Variants in LEF1 observed in about 807,000 individuals in gnomAD.
LEF1 encodes lymphoid enhancer binding factor 1.
In LEF1, 14 loss-of-function variants were observed where a neutral mutation model predicts 51.2. The ratio of observed to expected loss-of-function variants is 0.27; its 90% CI spans 0.18 to 0.43. LEF1 has a LOEUF of 0.43. Among genes scored for constraint, LEF1 ranks in the 20% least tolerant of loss-of-function variants. The pLI is 1.00. For synonymous variants in LEF1, 185 were observed against 183.2 expected, an observed-to-expected ratio of 1.01 and a Z score of -0.08; for missense variants, 386 against 512.0, an observed-to-expected ratio of 0.75 and a Z score of 2.37.
At position 108,048,491 on chromosome 4, in the gene LEF1, C is replaced by T. The variant is rs1156389344; in HGVS notation, c.*267G>A. 9.5e-6 allele frequency: 4 copies of T among 422,718 alleles called. No homozygotes were observed. Among genetic ancestry groups the T allele is most frequent in the Non-Finnish European group, 1.7e-5 (4 of 237,988 alleles). The allele number at this position is 422,718 out of a possible 1,614,324, so 26.2% of individuals were successfully genotyped here. On this transcript the variant is annotated 3_prime_UTR_variant, in exon 12 of 12. Coordinates refer to ENST00000265165, the MANE Select transcript of LEF1 (RefSeq NM_016269.5). ...CTGCTAGCATTCTCATGTGCTTTTA[C>T]ATTTCCTTTTAAAAAACCTTTTTAT...
intron 6 of LEF1, among the ~76,000 whole-genome samples, chr4:108,080,272 C>T (rs1240837721): frequency 6.6e-6 from 1 of 152,110 alleles, no homozygotes; most frequent in Non-Finnish European, 1.5e-5. Flanking sequence ...TTAAAATATC[C>T]ACCACCAGCC....
intron 3 of LEF1, among the ~76,000 whole-genome samples, chr4:108,161,810 G>A (rs1007549552): frequency 6.6e-6 from 1 of 152,056 alleles, no homozygotes; most frequent in African/African-American, 2.4e-5. Context: ...AAAAACGTAA[G>A]GCTGTTTTGT....
intron 3 of LEF1, among the ~76,000 whole-genome samples, chr4:108,148,533 G>A (rs993134077): frequency 6.6e-6 from 1 of 152,172 alleles, no homozygotes; most frequent in Non-Finnish European, 1.5e-5. Flanking sequence ...TGTCATGCCT[G>A]CCTCACTCTG....
intron 1 of LEF1, among the ~76,000 whole-genome samples, chr4:108,165,556 A>G (rs1745333935): frequency 6.6e-6 from 1 of 152,190 alleles, no homozygotes. Flanking sequence ...GTTCACTTCA[A>G]TCAGATCTGA....
intron 8 of LEF1, chr4:108,071,744 C>A (rs1738485817): frequency 6.6e-6 from 1 of 152,198 alleles, no homozygotes; most frequent in African/African-American, 2.4e-5. Context: ...GGAGAACCAT[C>A]TGGGATTTGG....
At position 108,070,780 on chromosome 4, in the gene LEF1, A is replaced by G; in HGVS notation, c.1009-10T>C. 6.3e-7 allele frequency: 1 copy of G among 1,579,874 alleles called. No individual in the cohort carries two copies. On this transcript the variant is annotated splice_polypyrimidine_tract_variant and intron_variant, in intron 8 of 11. Transcript: ENST00000265165. ...GGGAGAGGGCATGCCACTAAAACAG[A>G]GAGGAAGGAAGAAAAAAACAAAAGT... is the stretch of plus-strand genomic sequence containing the variant.
At chr4:108,106,957 A>G (rs1741209509) in intron 3 of LEF1, among the ~76,000 whole-genome samples, 1 of 152,218 alleles carries the variant, frequency 6.6e-6, no homozygotes, top group Admixed American at 6.5e-5. Flanking sequence ...GAAGAATGAG[A>G]AAAAATCAGA....
intron 3 of LEF1, chr4:108,104,823 T>G: frequency 1.9e-5 from 5 of 261,108 alleles, no homozygotes; most frequent in South Asian, 1.4e-4. Flanking sequence ...TCTGACTCTC[T>G]GGGGGCATGC....
At chr4:108,067,287 A>G (rs1475407223) in intron 9 of LEF1, among the ~76,000 whole-genome samples, 1 of 152,186 alleles carries the variant, frequency 6.6e-6, no homozygotes, top group Non-Finnish European at 1.5e-5. Context: ...CTTCCCACCC[A>G]TCAACATGGA....
intron 11 of LEF1, among the ~76,000 whole-genome samples, chr4:108,062,567 T>C (rs1336897607): frequency 1.3e-5 from 2 of 152,152 alleles, no homozygotes; most frequent in Admixed American, 6.5e-5. Context: ...GTGCTTTATC[T>C]TTTAGCCAAC....
chr4:108,109,788 T>C (rs1185548158), intron 3 of LEF1, among the ~76,000 whole-genome samples: 1 of 152,110 alleles, frequency 6.6e-6, no homozygotes, highest in Non-Finnish European at 1.5e-5. Flanking sequence ...ATAGAGATGG[T>C]TTTTTTAATC....
Position 108,168,379 on chromosome 4 carries a change from AG to A in LEF1, c.-613del, listed in dbSNP as rs1241403127. 6.6e-6 allele frequency: 1 copy of A among 151,450 alleles called. No homozygotes were observed. Among genetic ancestry groups the A allele is most frequent in the Non-Finnish European group, 1.5e-5 (1 of 67,980 alleles). The allele number at this position is 151,450 out of a possible 1,614,324, so 9.4% of individuals were successfully genotyped here. On this transcript the variant is annotated 5_prime_UTR_variant, in exon 1 of 12. Coordinates refer to ENST00000265165, the MANE Select transcript of LEF1 (RefSeq NM_016269.5). The surrounding 1 kb of genome is among the most constrained non-coding windows in gnomAD (Gnocchi z 4.6). The stretch of plus-strand genomic sequence containing the variant: ...CCTGAAGGGTGGGAAAAAAAGAAAA[AG>A]AAAAAGGAGCCACCCACGCTGGAGA...
At chr4:108,132,417 C>A (rs1323608922) in intron 3 of LEF1, among the ~76,000 whole-genome samples, 1 of 152,024 alleles carries the variant, frequency 6.6e-6, no homozygotes. Flanking sequence ...CAACTCGAGT[C>A]TCATTTAGAG....
intron 3 of LEF1, among the ~76,000 whole-genome samples, chr4:108,157,148 T>TTCTC (rs141657105): frequency 0.014 from 1,601 of 117,382 alleles, 20 homozygotes; most frequent in African/African-American, 0.041. Flanking sequence ...TACCTCTTCA[T>TTCTC]TCTCTCTCTC....
chr4:108,060,061 C>T (rs1240488524), intron 11 of LEF1, among the ~76,000 whole-genome samples: 1 of 152,092 alleles, frequency 6.6e-6, no homozygotes, highest in East Asian at 1.9e-4. Context: ...GTCTGGCAAA[C>T]AAGGAACCAT....
intron 11 of LEF1, among the ~76,000 whole-genome samples, chr4:108,050,128 CA>C (rs1736885107): frequency 6.6e-6 from 1 of 152,176 alleles, no homozygotes. Flanking sequence ...CAACAAAAAA[CA>C]AAATAGGAGG....
chr4:108,153,114 C>A (rs1358673202), intron 3 of LEF1, among the ~76,000 whole-genome samples: 1 of 152,176 alleles, frequency 6.6e-6, no homozygotes, highest in Non-Finnish European at 1.5e-5. Flanking sequence ...CCTTTTCCCT[C>A]CCCAGCACCT....
At chr4:108,123,442 T>G (rs937944881) in intron 3 of LEF1, among the ~76,000 whole-genome samples, 7 of 148,556 alleles carry the variant, frequency 4.7e-5, no homozygotes, top group African/African-American at 1.2e-4. Context: ...GTTTTTTTTT[T>G]TTTTTTTTTT....
intron 9 of LEF1, among the ~76,000 whole-genome samples, chr4:108,067,694 T>C (rs1163281581): frequency 6.6e-6 from 1 of 151,982 alleles, no homozygotes; most frequent in Non-Finnish European, 1.5e-5. Context: ...CATGCCCAGC[T>C]AATTTTTGTA....
Sources: gnomAD v4.1 joint callset for allele counts (sites outside exome capture counted in the v4.1 genomes callset) on GRCh38, gnomAD v4.1.1 for gene constraint, Gnocchi (gnomAD v3.1) non-coding constraint, MANE v1.5 for transcripts, NCBI Gene and HGNC (gene_info 2026-07-23, HGNC 2026-07-21) for gene names.